CATSPERD: variants seen among roughly 807,000 people sequenced by gnomAD.
The protein encoded by CATSPERD is cation channel sperm-associated auxiliary subunit delta.
Under a neutral mutation model 98.1 loss-of-function variants are expected in CATSPERD, and 86 were observed. That is an observed-to-expected ratio of 0.88 (90% CI 0.74 to 1.05). The LOEUF (loss-of-function observed/expected upper bound fraction) is 1.05, where lower values mean the gene tolerates loss of function less well. Ranked by LOEUF, CATSPERD falls within the 50% of genes least tolerant of loss-of-function variation. CATSPERD has a pLI of 0.00. For missense variants in CATSPERD, 995 were observed against 1,005.7 expected (o/e 0.99, Z 0.14); for synonymous variants, 394 against 390.2 (o/e 1.01, Z -0.12).
At chr19:5,753,635 C>T (rs1449917327) in intron 12 of CATSPERD, 13 of 377,948 alleles carry the variant, frequency 3.4e-5, no homozygotes, top group Admixed American at 2.2e-4. Flanking sequence ...TTTGGGAGGC[C>T]GAGATGGGAG....
intron 15 of CATSPERD, 75 bp downstream of exon 15, chr19:5,759,219 G>T: frequency 7.3e-7 from 1 of 1,376,840 alleles, no homozygotes. Context: ...AGAGAAGCAG[G>T]TCTGAGATCA....
chr19:5,752,562 C>T (rs987217456), intron 12 of CATSPERD, among the ~76,000 whole-genome samples: 3 of 152,070 alleles, frequency 2.0e-5, no homozygotes, highest in African/African-American at 7.2e-5. Context: ...ATCACATCAC[C>T]CATTGACCAC....
intron 9 of CATSPERD, among the ~76,000 whole-genome samples, chr19:5,747,116 A>G (rs1214432235): frequency 6.8e-6 from 1 of 148,112 alleles, no homozygotes; most frequent in Non-Finnish European, 1.5e-5. Context: ...AAGTCTGGAT[A>G]TTACAGCTCT....
rs1267148061 is a variant in CATSPERD at position 5,726,805 on chromosome 19, G to A, written c.127-463G>A. 2.0e-5 allele frequency among the ~76,000 whole-genome samples: 3 copies of A among 152,190 alleles called. No homozygotes were observed. In the East Asian group the frequency reaches 5.8e-4, roughly 29 times the overall value. ...TTCCCCCAGCAGTCACATCTGACATGATCATAGTACGAGGTCAAAACAGGA... is the reference window on the plus strand; with the variant it reads ...TTCCCCCAGCAGTCACATCTGACATAATCATAGTACGAGGTCAAAACAGGA... On this transcript the variant is annotated intron_variant, in intron 2 of 21. Transcript: ENST00000381624.
intron 15 of CATSPERD, 58 bp downstream of exon 15, chr19:5,759,202 G>A: frequency 6.7e-7 from 1 of 1,498,264 alleles, no homozygotes. Context: ...TTCCTTAGCA[G>A]GAGCGAAGAG....
chr19:5,755,563 A>G (rs902373743), intron 13 of CATSPERD, among the ~76,000 whole-genome samples: 4 of 152,046 alleles, frequency 2.6e-5, no homozygotes, highest in Non-Finnish European at 5.9e-5. Context: ...TGAACCCAGG[A>G]GCTCGAGACT....
intron 11 of CATSPERD, among the ~76,000 whole-genome samples, chr19:5,750,284 TA>T (rs907444746): frequency 4.1e-5 from 6 of 147,402 alleles, no homozygotes; most frequent in South Asian, 4.3e-4. Context: ...CCGTCTCTAC[TA>T]AAAAAAATAC....
At chr19:5,723,411 C>T (rs749061843) in intron 1 of CATSPERD, among the ~76,000 whole-genome samples, 1 of 149,850 alleles carries the variant, frequency 6.7e-6, no homozygotes, top group East Asian at 2.0e-4. Flanking sequence ...CAGCCCTCAG[C>T]CTCCTGAGTA....
chr19:5,752,053 G>C (rs1244146294), intron 12 of CATSPERD, among the ~76,000 whole-genome samples: 2 of 151,840 alleles, frequency 1.3e-5, no homozygotes, highest in Non-Finnish European at 2.9e-5. Flanking sequence ...GGAGACTTTG[G>C]AGACTGAGTC....
At chr19:5,769,293 CAAAAAAAAA>C (rs35536683) in intron 18 of CATSPERD, among the ~76,000 whole-genome samples, 1 of 45,082 alleles carries the variant, frequency 2.2e-5, no homozygotes, top group African/African-American at 9.1e-5. Flanking sequence ...AACCTAGAGA[CAAAAAAAAA>C]AAAAAAAAAA....
At chr19:5,749,310 G>A in intron 11 of CATSPERD, 127 bp downstream of exon 11, 2 of 507,726 alleles carry the variant, frequency 3.9e-6, no homozygotes, top group Admixed American at 4.4e-5. Flanking sequence ...TTGCCAACAT[G>A]GTGAAACCCT....
intron 13 of CATSPERD, among the ~76,000 whole-genome samples, chr19:5,754,772 G>A (rs562195498): frequency 1.1e-4 from 16 of 151,972 alleles, no homozygotes; most frequent in Admixed American, 2.6e-4. Flanking sequence ...CCAGCTGGCC[G>A]CCTGGCCGCC....
intron 13 of CATSPERD, 69 bp downstream of exon 13, chr19:5,754,314 C>G: frequency 9.8e-7 from 1 of 1,018,238 alleles, no homozygotes; most frequent in Non-Finnish European, 1.5e-6. Flanking sequence ...CTCCCAGATT[C>G]TGGAAATCCC....
Position 5,750,224 on chromosome 19 carries a change from G to A in CATSPERD, c.987+1041G>A, listed in dbSNP as rs574488100. 8.1e-5 allele frequency among the ~76,000 whole-genome samples: 12 copies of A among 148,854 alleles called. No homozygotes were observed. In the South Asian group the frequency reaches 8.5e-4, roughly 11 times the overall value. On this transcript the variant is annotated intron_variant, in intron 11 of 21. Coordinates refer to ENST00000381624, the MANE Select transcript of CATSPERD (RefSeq NM_152784.4). ...AGCACCTTGGGTGGCCAAGGTGGGC[G>A]GATCACGAGTTCAGGAGATCGTGAC... is the stretch of plus-strand genomic sequence containing the variant.
At chr19:5,730,022 A>G in intron 4 of CATSPERD, 78 bp downstream of exon 4, 1 of 881,986 alleles carries the variant, frequency 1.1e-6, no homozygotes, top group Non-Finnish European at 1.8e-6. Context: ...GAAATATCAG[A>G]CTGGTCTGTT....
intron 20 of CATSPERD, chr19:5,775,328 G>T (rs949837323): frequency 2.1e-6 from 1 of 469,028 alleles, no homozygotes; most frequent in Non-Finnish European, 4.4e-6. Context: ...ACAGACCTGC[G>T]TATTTATTGA....
At chr19:5,731,565 T>TG (rs2055720700) in intron 4 of CATSPERD, among the ~76,000 whole-genome samples, 1 of 109,482 alleles carries the variant, frequency 9.1e-6, no homozygotes, top group South Asian at 3.5e-4. Flanking sequence ...TAACAGTTTT[T>TG]TTTTTTTTTT....
intron 13 of CATSPERD, among the ~76,000 whole-genome samples, chr19:5,756,738 A>G (rs1163013505): frequency 6.6e-6 from 1 of 151,916 alleles, no homozygotes; most frequent in Non-Finnish European, 1.5e-5. Context: ...TAAGCTCGGG[A>G]GTTTGAGACC....
rs968001137 is a variant in CATSPERD at position 5,757,949 on chromosome 19, C to T, written c.1368+17C>T. 2 of 1,605,410 alleles carry T rather than the reference C, an allele frequency of 1.2e-6. No individual in the cohort carries two copies. The highest frequency in any genetic ancestry group is 4.5e-5 in the East Asian group (2 of 44,440). On this transcript the variant is annotated intron_variant, in intron 14 of 21. Transcript: ENST00000381624. ...TACAAACTGGTGAGCCGCGTCCCCA[C>T]CAAACCCTGTCGCCTGTCCCTTGAG...
Sources: allele counts gnomAD v4.1 joint callset (sites outside exome capture counted in the v4.1 genomes callset), GRCh38; gene constraint gnomAD v4.1.1; transcripts MANE v1.5; gene names NCBI Gene and HGNC (gene_info 2026-07-23, HGNC 2026-07-21).